LINGO2: variants seen among roughly 807,000 people sequenced by gnomAD.
LINGO2 encodes the protein leucine rich repeat and Ig domain containing 2.
Under a neutral mutation model 30.6 loss-of-function variants are expected in LINGO2, and 14 were observed. That is an observed-to-expected ratio of 0.46 (90% CI 0.30 to 0.72). The LOEUF (loss-of-function observed/expected upper bound fraction) is 0.72, where lower values mean the gene tolerates loss of function less well. LINGO2 is among the 30% of genes least tolerant of loss of function. The pLI, the probability that LINGO2 is intolerant of heterozygous loss-of-function variation, is 0.07. For missense variants in LINGO2, 729 were observed against 751.7 expected (o/e 0.97, Z 0.35); for synonymous variants, 317 against 288.5 (o/e 1.10, Z -1.00).
At chr9:28,247,586 C>A (rs1822049455) in intron 4 of LINGO2, among the ~76,000 whole-genome samples, 2 of 152,204 alleles carry the variant, frequency 1.3e-5, no homozygotes, top group African/African-American at 4.8e-5. Flanking sequence ...ACAACGCACA[C>A]TGGGGCCTGT....
the LINGO2 span, among the ~76,000 whole-genome samples, chr9:28,861,274 ATTTATATATTATATAT>A: frequency 4.5e-4 from 55 of 123,436 alleles, no homozygotes; most frequent in Admixed American, 1.8e-3. Context: ...AATATATAAT[ATTTATATATTATATAT>A]TTTATATATT....
chr9:28,365,234 C>T lies in LINGO2; in HGVS notation c.-246+7602G>A, dbSNP rs75042191. On this transcript the variant is annotated intron_variant, in intron 3 of 5. Transcript: ENST00000379992. ...GAAAGGGCATTCTCAATAGAGGGAA[C>T]GTGAAGAATTTAGTGTGGTTGGAAC... Among the ~76,000 whole-genome samples, 1,161 of 151,798 alleles carry T rather than the reference C, an allele frequency of 7.6e-3. 4 individuals are homozygous for T. The highest frequency in any genetic ancestry group is 0.012 in the East Asian group (62 of 5,148).
the LINGO2 span, among the ~76,000 whole-genome samples, chr9:28,999,204 A>T: frequency 1.3e-5 from 2 of 152,110 alleles, no homozygotes; most frequent in African/African-American, 4.8e-5. Context: ...TCAGGAAATA[A>T]ATAAATACAA....
the LINGO2 span, among the ~76,000 whole-genome samples, chr9:29,125,432 A>AATAT: frequency 4.0e-4 from 60 of 151,562 alleles, no homozygotes; most frequent in Non-Finnish European, 6.9e-4. Flanking sequence ...AAAATTTAAA[A>AATAT]ATATATATAT....
the LINGO2 span, among the ~76,000 whole-genome samples, chr9:29,190,614 C>T: frequency 6.6e-6 from 1 of 152,056 alleles, no homozygotes; most frequent in Non-Finnish European, 1.5e-5. Flanking sequence ...AAGGTAACTA[C>T]CCAGGCTTAT....
At chr9:28,738,392 T>C in the LINGO2 span, among the ~76,000 whole-genome samples, 4 of 152,146 alleles carry the variant, frequency 2.6e-5, no homozygotes, top group African/African-American at 4.8e-5. Flanking sequence ...CTGAAAATCT[T>C]AGATATCAAC....
chr9:28,301,268 T>A (rs1824130481), intron 3 of LINGO2, among the ~76,000 whole-genome samples: 1 of 151,928 alleles, frequency 6.6e-6, no homozygotes, highest in South Asian at 2.1e-4. Context: ...CAGTTTGAGA[T>A]CCTCCTTTGT....
the LINGO2 span, among the ~76,000 whole-genome samples, chr9:28,924,099 A>G: frequency 2.4e-4 from 36 of 152,204 alleles, no homozygotes; most frequent in African/African-American, 6.5e-4. Flanking sequence ...TTTGAATACA[A>G]TCTAAGCATC....
chr9:28,021,497 A>T (rs1193127162), intron 4 of LINGO2, among the ~76,000 whole-genome samples: 1 of 152,156 alleles, frequency 6.6e-6, no homozygotes, highest in East Asian at 1.9e-4. Flanking sequence ...ATAAATGTCA[A>T]TTAGATTAAG....
At chr9:28,510,149 C>A (rs1399949861) in intron 1 of LINGO2, among the ~76,000 whole-genome samples, 1 of 152,082 alleles carries the variant, frequency 6.6e-6, no homozygotes, top group African/African-American at 2.4e-5. Context: ...TGACAGCATT[C>A]ATTTAAACAA....
chr9:28,198,495 T>C (rs1464444869), intron 4 of LINGO2, among the ~76,000 whole-genome samples: 1 of 152,206 alleles, frequency 6.6e-6, no homozygotes, highest in African/African-American at 2.4e-5. Context: ...CCTTTGCATA[T>C]GAATACTGAT....
At chr9:27,947,828 T>G (rs1440497811), downstream of LINGO2, among the ~76,000 whole-genome samples, 1 of 152,224 alleles carries the variant, frequency 6.6e-6, no homozygotes, top group Non-Finnish European at 1.5e-5. Flanking sequence ...TTCTTGATCT[T>G]AGCCACTGGT....
chr9:28,177,862 T>G (rs1828791343), intron 4 of LINGO2, among the ~76,000 whole-genome samples: 1 of 152,200 alleles, frequency 6.6e-6, no homozygotes, highest in Admixed American at 6.5e-5. Context: ...GTCTAATTCA[T>G]GTACTATTAC....
chr9:28,443,088 G>A (rs1367848606), intron 2 of LINGO2, among the ~76,000 whole-genome samples: 1 of 152,122 alleles, frequency 6.6e-6, no homozygotes, highest in African/African-American at 2.4e-5. Flanking sequence ...TATGGCATGT[G>A]CATGAGTAGA....
At chr9:28,898,535 C>G in the LINGO2 span, among the ~76,000 whole-genome samples, 1 of 152,070 alleles carries the variant, frequency 6.6e-6, no homozygotes, top group Admixed American at 6.5e-5. Context: ...TTTATTTTTT[C>G]TATCTACTGG....
At chr9:28,993,469 C>T in the LINGO2 span, among the ~76,000 whole-genome samples, 1 of 152,112 alleles carries the variant, frequency 6.6e-6, no homozygotes, top group Admixed American at 6.5e-5. Flanking sequence ...CCTTCTGAAA[C>T]TATTCCAATC....
the LINGO2 span, among the ~76,000 whole-genome samples, chr9:29,208,884 T>G: frequency 6.6e-6 from 1 of 152,130 alleles, no homozygotes; most frequent in Non-Finnish European, 1.5e-5. Context: ...TGGCACTGGA[T>G]TAGTTTCTCT....
At chr9:28,428,666 T>C (rs758677666) in intron 2 of LINGO2, among the ~76,000 whole-genome samples, 6 of 152,120 alleles carry the variant, frequency 3.9e-5, no homozygotes, top group Non-Finnish European at 8.8e-5. Flanking sequence ...GACTCTGCTT[T>C]TCATCAGTAT....
chr9:28,261,528 A>C (rs1256388460), intron 4 of LINGO2, among the ~76,000 whole-genome samples: 1 of 151,958 alleles, frequency 6.6e-6, no homozygotes, highest in Non-Finnish European at 1.5e-5. Flanking sequence ...AATAAAAAAT[A>C]AATTTGGCAC....
Sources: allele counts gnomAD v4.1 joint callset (sites outside exome capture counted in the v4.1 genomes callset), GRCh38; gene constraint gnomAD v4.1.1; transcripts MANE v1.5; gene names NCBI Gene and HGNC (gene_info 2026-07-23, HGNC 2026-07-21).